ADAM10: variants seen among roughly 807,000 people sequenced by gnomAD.
ADAM10 encodes the protein disintegrin and metalloproteinase domain-containing protein 10.
Under a neutral mutation model 90.1 loss-of-function variants are expected in ADAM10, and 17 were observed. The ratio of observed to expected loss-of-function variants is 0.19; its 90% confidence interval spans 0.13 to 0.28. The LOEUF (loss-of-function observed/expected upper bound fraction) is 0.28, where lower values mean the gene tolerates loss of function less well. Among genes scored for constraint, ADAM10 ranks in the 10% least tolerant of loss-of-function variants. The pLI, the probability that ADAM10 is intolerant of heterozygous loss-of-function variation, is 1.00. For missense variants in ADAM10, 610 were observed against 914.3 expected, an observed-to-expected ratio of 0.67 and a Z score of 4.29; for synonymous variants, 310 against 298.6, an observed-to-expected ratio of 1.04 and a Z score of -0.40.
intron 5 of ADAM10, among the ~76,000 whole-genome samples, chr15:58,661,027 C>T (rs1596040507): frequency 1.3e-5 from 2 of 152,230 alleles, no homozygotes; most frequent in Admixed American, 6.5e-5. Context: ...ATCTTTATCA[C>T]GGCACAGTTT....
intron 8 of ADAM10, among the ~76,000 whole-genome samples, chr15:58,638,625 AAAAAAAAAAAG>A (rs1369996993): frequency 6.6e-6 from 1 of 151,194 alleles, no homozygotes; most frequent in Non-Finnish European, 1.5e-5. Context: ...AAAAAAAAAA[AAAAAAAAAAAG>A]AAAATACAAG....
chr15:58,702,020 C>T (rs756138585), intron 2 of ADAM10, among the ~76,000 whole-genome samples: 3 of 152,000 alleles, frequency 2.0e-5, no homozygotes, highest in Non-Finnish European at 2.9e-5. Context: ...GCAGAAGAAT[C>T]GCTTGATCCA....
chr15:58,650,544 C>A (rs933695459), intron 5 of ADAM10, among the ~76,000 whole-genome samples: 3 of 152,136 alleles, frequency 2.0e-5, no homozygotes, highest in Non-Finnish European at 2.9e-5. Context: ...TCATCCTCAG[C>A]CTCATGTGTC....
chr15:58,675,990 T>C (rs1897296884), intron 4 of ADAM10, among the ~76,000 whole-genome samples: 1 of 152,174 alleles, frequency 6.6e-6, no homozygotes, highest in Non-Finnish European at 1.5e-5. Context: ...AAATAAATTA[T>C]TAGTACTTAA....
rs1555422741 is a variant in ADAM10 at position 58,730,008 on chromosome 15, A to AAAAC, written c.56-12282_56-12281insGTTT. ...AAACAAAACAAACAAACAAACAAAA[A>AAAAC]AAAAAACTCATTGAAGCACTTTAGA... On this transcript the variant is annotated intron_variant, in intron 1 of 15. Transcript: ENST00000260408. 1.3e-4 allele frequency among the ~76,000 whole-genome samples: 19 copies of AAAAC among 141,614 alleles called. 1 individual carries two copies. Among genetic ancestry groups the AAAAC allele is most frequent in the African/African-American group, 4.9e-4 (19 of 38,966 alleles). The allele number at this position is 141,614 out of a possible 152,430, so 92.9% of individuals were successfully genotyped here. A position where few individuals can be genotyped will look rare whatever the true frequency, so the allele number is the denominator to read the frequency against.
intron 8 of ADAM10, among the ~76,000 whole-genome samples, chr15:58,635,127 T>A (rs1045724311): frequency 6.6e-6 from 1 of 151,424 alleles, no homozygotes; most frequent in Non-Finnish European, 1.5e-5. Context: ...TACAAAAAAT[T>A]AGCAGGGCAT....
intron 1 of ADAM10, among the ~76,000 whole-genome samples, chr15:58,745,045 T>A (rs1244981146): frequency 9.9e-5 from 15 of 152,144 alleles, no homozygotes; most frequent in African/African-American, 3.6e-4. Flanking sequence ...TAGCCAGGCG[T>A]GGTGGTGCGC....
At chr15:58,701,302 G>A (rs1171235131) in intron 2 of ADAM10, among the ~76,000 whole-genome samples, 1 of 151,926 alleles carries the variant, frequency 6.6e-6, no homozygotes, top group African/African-American at 2.4e-5. Flanking sequence ...CTCAAAAGAA[G>A]ACACAGAAAT....
At position 58,689,954 on chromosome 15, in the gene ADAM10, A is replaced by C. The variant is rs2899634; in HGVS notation, c.207-7640T>G. 3.7e-3 allele frequency among the ~76,000 whole-genome samples: 433 copies of C among 117,586 alleles called. 10 individuals carry two copies. Among genetic ancestry groups the C allele is most frequent in the African/African-American group, 0.012 (353 of 29,932 alleles). 77.1% of individuals were successfully genotyped at this position (117,586 alleles called of 152,430 possible). A position where few individuals can be genotyped will look rare whatever the true frequency, so the allele number is the denominator to read the frequency against. On this transcript the variant is annotated intron_variant, in intron 2 of 15. Transcript: ENST00000260408. ...CAAAACCAAAGACAGACCCCCCCCA[A>C]AAAAAAAAAAAAAAGACTGATATTC...
At chr15:58,687,888 G>A (rs1897650030) in intron 2 of ADAM10, among the ~76,000 whole-genome samples, 2 of 152,102 alleles carry the variant, frequency 1.3e-5, no homozygotes, top group African/African-American at 2.4e-5. Context: ...TGGTTGTTTA[G>A]GATTATAGAT....
At chr15:58,670,760 CAAG>C (rs1897173540) in intron 4 of ADAM10, among the ~76,000 whole-genome samples, 1 of 152,080 alleles carries the variant, frequency 6.6e-6, no homozygotes, top group Non-Finnish European at 1.5e-5. Flanking sequence ...AATTTACATA[CAAG>C]AATAGCCATT....
At chr15:58,657,892 T>TTG (rs1896869654) in intron 5 of ADAM10, among the ~76,000 whole-genome samples, 1 of 151,590 alleles carries the variant, frequency 6.6e-6, no homozygotes, top group African/African-American at 2.4e-5. Flanking sequence ...GTTTGTGTTT[T>TTG]TTTTTTTTTC....
At chr15:58,716,150 GAC>G (rs1567009651) in intron 2 of ADAM10, among the ~76,000 whole-genome samples, 1 of 152,064 alleles carries the variant, frequency 6.6e-6, no homozygotes, top group Non-Finnish European at 1.5e-5. Context: ...TAATTTAAGT[GAC>G]ACATTTATTT....
At chr15:58,663,767 ATTCT>A (rs761983122) in intron 5 of ADAM10, among the ~76,000 whole-genome samples, 148 of 152,204 alleles carry the variant, frequency 9.7e-4, no homozygotes, top group Admixed American at 2.4e-3. Flanking sequence ...AGGTCTTATA[ATTCT>A]TTGTTACATT....
At chr15:58,667,045 C>T (rs190994190) in intron 4 of ADAM10, among the ~76,000 whole-genome samples, 1 of 152,044 alleles carries the variant, frequency 6.6e-6, no homozygotes, top group South Asian at 2.1e-4. Context: ...CTAGAAAAAG[C>T]CTTTGTTCAA....
chr15:58,656,012 G>A (rs1319664523), intron 5 of ADAM10, among the ~76,000 whole-genome samples: 5 of 151,724 alleles, frequency 3.3e-5, no homozygotes, highest in Admixed American at 6.6e-5. Context: ...CTCCCAAACT[G>A]CTGAGATTAC....
chr15:58,611,275 G>T, intron 12 of ADAM10, 168 bp from the exon 13 acceptor site: 1 of 596,836 alleles, frequency 1.7e-6, no homozygotes, highest in Non-Finnish European at 3.0e-6. Flanking sequence ...AAATACATTT[G>T]AAAAAATTTG....
chr15:58,749,608 G>A lies in ADAM10; in HGVS notation c.-74C>T. 6.5e-7 allele frequency: 1 copy of A among 1,547,074 alleles called. No individual in the cohort carries two copies. The highest frequency in any genetic ancestry group is 8.7e-7 in the Non-Finnish European group (1 of 1,144,686). ...GCACATCGATCCGGAGGGAGAAGCT[G>A]AAGGGGCTTGGTCCGGAGCCTCCAC... is the stretch of plus-strand genomic sequence containing the variant. On this transcript the variant is annotated 5_prime_UTR_variant, in exon 1 of 16. Transcript: ENST00000260408.
chr15:58,686,626 A>G (rs1897611372), intron 2 of ADAM10: 7 of 867,378 alleles, frequency 8.1e-6, no homozygotes, highest in Non-Finnish European at 1.2e-5. Flanking sequence ...GAAGACTCTA[A>G]GAGAGAAGTT....
Sources: allele counts gnomAD v4.1 joint callset (sites outside exome capture counted in the v4.1 genomes callset), GRCh38; gene constraint gnomAD v4.1.1; transcripts MANE v1.5; gene names NCBI Gene and HGNC (gene_info 2026-07-23, HGNC 2026-07-21).